The following CRADD variants were observed in gnomAD, a reference collection of about 807,000 sequenced individuals.
CRADD encodes death domain-containing protein CRADD.
In CRADD, 9 loss-of-function variants were observed where a neutral mutation model predicts 15.5. The ratio of observed to expected loss-of-function variants is 0.58; its 90% CI spans 0.35 to 1.01. The LOEUF (loss-of-function observed/expected upper bound fraction) is 1.01, where lower values mean the gene tolerates loss of function less well. CRADD is among the 50% of genes least tolerant of loss of function. CRADD has a pLI of 0.02. For synonymous variants in CRADD, 118 were observed against 107.6 expected (o/e 1.10, Z -0.60); for missense variants, 227 against 250.3 (o/e 0.91, Z 0.63).
intron 2 of CRADD, among the ~76,000 whole-genome samples, chr12:93,831,647 T>A (rs1270026354): frequency 6.6e-6 from 1 of 152,264 alleles, no homozygotes; most frequent in Non-Finnish European, 1.5e-5. Context: ...CCAGACATTG[T>A]GCTAGGGGCT....
chr12:93,805,614 A>G (rs896804969), intron 2 of CRADD, among the ~76,000 whole-genome samples: 1 of 152,150 alleles, frequency 6.6e-6, no homozygotes, highest in Admixed American at 6.6e-5. Context: ...AAAAATAAAC[A>G]GCTAACTAAC....
chr12:93,879,827 G>T (rs1444222985), intron 2 of CRADD, among the ~76,000 whole-genome samples: 1 of 152,204 alleles, frequency 6.6e-6, no homozygotes, highest in Non-Finnish European at 1.5e-5. Context: ...ACTGGGAGAG[G>T]TGGGGCACTG....
rs1018700184 is a variant in CRADD, at chr12:93,697,366, C to A, written c.298+18294C>A. On this transcript the variant is annotated intron_variant, in intron 2 of 2. Coordinates refer to ENST00000332896, the MANE Select transcript of CRADD (RefSeq NM_003805.5). ...GACACAGTGTTAACCTCTTCTGCCA[C>A]GTGAAGATGCAGCAAGACTGCCCTC... is the stretch of plus-strand genomic sequence containing the variant. 3.3e-5 allele frequency among the ~76,000 whole-genome samples: 5 copies of A among 152,326 alleles called. No individual in the cohort carries two copies. In the East Asian group the frequency reaches 9.6e-4, roughly 29 times the overall value.
chr12:93,700,127 A>C (rs2136833373), intron 2 of CRADD, among the ~76,000 whole-genome samples: 1 of 152,294 alleles, frequency 6.6e-6, no homozygotes, highest in South Asian at 2.1e-4. Flanking sequence ...GCCTTGCTAG[A>C]ACATTAAACC....
At chr12:93,886,162 C>CTTTTTT (rs761719331) in intron 2 of CRADD, among the ~76,000 whole-genome samples, 3 of 123,944 alleles carry the variant, frequency 2.4e-5, no homozygotes, top group African/African-American at 3.0e-5. Flanking sequence ...GCTGCTGATG[C>CTTTTTT]TTTTTTTTTT....
At chr12:93,803,599 G>A (rs758472841) in intron 2 of CRADD, among the ~76,000 whole-genome samples, 21 of 152,086 alleles carry the variant, frequency 1.4e-4, no homozygotes, top group South Asian at 6.2e-4. Context: ...GTCTTAACTC[G>A]GGAGATCTGT....
chr12:93,882,195 G>A lies in CRADD; in HGVS notation c.299-11855G>A, dbSNP rs188640049. On this transcript the variant is annotated intron_variant, in intron 2 of 2. Transcript: ENST00000548483. ...CCAGCACTTTGGGAGGCCGAGGTGG[G>A]TGGATCACAAGGTCAGGAGTTCGAG... 5.8e-3 allele frequency among the ~76,000 whole-genome samples: 885 copies of A among 152,108 alleles called. 8 individuals are homozygous for A. The highest frequency in any genetic ancestry group is 0.02 in the African/African-American group (846 of 41,508).
intron 2 of CRADD, among the ~76,000 whole-genome samples, chr12:93,748,236 C>T (rs932801483): frequency 6.6e-6 from 1 of 152,190 alleles, no homozygotes; most frequent in Non-Finnish European, 1.5e-5. Flanking sequence ...TCTCCCTGAA[C>T]TCTGGCTGAG....
chr12:93,779,847 C>CGG (rs1957184098), intron 2 of CRADD, among the ~76,000 whole-genome samples: 1 of 152,122 alleles, frequency 6.6e-6, no homozygotes, highest in South Asian at 2.1e-4. Context: ...CCTTAGTCTC[C>CGG]CAAAGTGCTG....
chr12:93,731,295 C>T (rs1956460445), intron 2 of CRADD, among the ~76,000 whole-genome samples: 1 of 152,154 alleles, frequency 6.6e-6, no homozygotes, highest in Admixed American at 6.5e-5. Context: ...ATAATTTTCT[C>T]AGACTGATAG....
intron 2 of CRADD, among the ~76,000 whole-genome samples, chr12:93,706,500 G>A (rs1048332111): frequency 6.6e-6 from 1 of 152,056 alleles, no homozygotes; most frequent in African/African-American, 2.4e-5. Flanking sequence ...TATTTTTTTG[G>A]AGAGCCAAAT....
intron 2 of CRADD, among the ~76,000 whole-genome samples, chr12:93,812,226 A>G (rs899048679): frequency 6.6e-6 from 1 of 152,184 alleles, no homozygotes; most frequent in Non-Finnish European, 1.5e-5. Flanking sequence ...GATACTAGAG[A>G]ACATACTGTA....
intron 2 of CRADD, among the ~76,000 whole-genome samples, chr12:93,888,876 C>A (rs733751): frequency 0.5 from 76,067 of 152,034 alleles, 20,270 homozygotes; most frequent in East Asian, 0.63. Flanking sequence ...GGTTTCTGGG[C>A]TGTATGGCTG....
intron 2 of CRADD, among the ~76,000 whole-genome samples, chr12:93,765,540 G>C (rs1957018044): frequency 2.0e-5 from 3 of 152,252 alleles, no homozygotes; most frequent in Non-Finnish European, 4.4e-5. Context: ...CCACAATGCA[G>C]CTGTGTGGGG....
intron 2 of CRADD, among the ~76,000 whole-genome samples, chr12:93,789,746 G>T (rs952002260): frequency 2.6e-5 from 4 of 152,110 alleles, no homozygotes; most frequent in African/African-American, 9.7e-5. Flanking sequence ...GCAGTTTCCT[G>T]TGTATCAAGT....
chr12:93,882,258 A>G (rs886317981), intron 2 of CRADD, among the ~76,000 whole-genome samples: 1 of 150,918 alleles, frequency 6.6e-6, no homozygotes, highest in Non-Finnish European at 1.5e-5. Context: ...TGTCTCTACT[A>G]AAAATACAAA....
At chr12:93,839,762 A>T (rs1161954838) in intron 2 of CRADD, among the ~76,000 whole-genome samples, 5 of 152,022 alleles carry the variant, frequency 3.3e-5, no homozygotes, top group Non-Finnish European at 7.4e-5. Flanking sequence ...TTTCCTGTGG[A>T]GGTTCTTACC....
At chr12:93,827,646 G>A (rs1036809410) in intron 2 of CRADD, among the ~76,000 whole-genome samples, 17 of 152,154 alleles carry the variant, frequency 1.1e-4, no homozygotes, top group Admixed American at 1.1e-3. Context: ...ATTTTCCAAA[G>A]TGTTTGTCCC....
intron 2 of CRADD, among the ~76,000 whole-genome samples, chr12:93,821,223 C>T (rs754285830): frequency 1.3e-5 from 2 of 152,182 alleles, no homozygotes; most frequent in African/African-American, 2.4e-5. Context: ...TGCCACTGTC[C>T]CCTGAGATGG....
Sources: gnomAD v4.1 joint callset for allele counts (sites outside exome capture counted in the v4.1 genomes callset) on GRCh38, gnomAD v4.1.1 for gene constraint, MANE v1.5 for transcripts, NCBI Gene and HGNC (gene_info 2026-07-23, HGNC 2026-07-21) for gene names.